Variants in TM7SF3 observed in about 807,000 individuals in gnomAD.
TM7SF3 encodes transmembrane 7 superfamily member 3, also known as seven span transmembrane protein.
In TM7SF3, 60 loss-of-function variants were observed where a neutral mutation model predicts 65.5. The ratio of observed to expected loss-of-function variants is 0.92; its 90% CI spans 0.74 to 1.14. TM7SF3 has a LOEUF of 1.14. Among genes scored for constraint, TM7SF3 ranks in the 50% most tolerant of loss-of-function variants. The pLI is 0.00. For missense variants in TM7SF3, 623 were observed against 684.8 expected, an observed-to-expected ratio of 0.91 and a Z score of 1.01; for synonymous variants, 264 against 259.6, an observed-to-expected ratio of 1.02 and a Z score of -0.16.
At chr12:26,976,499 A>G (rs754027426) in intron 9 of TM7SF3, 142 bp from the exon 10 acceptor site, 35 of 626,864 alleles carry the variant, frequency 5.6e-5, no homozygotes, top group Non-Finnish European at 8.7e-5. Context: ...ATGAATTCTA[A>G]TTTTCTTCAT....
intron 6 of TM7SF3, among the ~76,000 whole-genome samples, chr12:26,986,484 C>T (rs1185390449): frequency 6.6e-6 from 1 of 152,164 alleles, no homozygotes; most frequent in Non-Finnish European, 1.5e-5. Context: ...GGCCCAATCT[C>T]TCTTCCCCAC....
At chr12:26,991,213 C>T (rs1210954682) in intron 5 of TM7SF3, among the ~76,000 whole-genome samples, 3 of 138,272 alleles carry the variant, frequency 2.2e-5, no homozygotes, top group South Asian at 2.3e-4. Flanking sequence ...ACTGCAGTGG[C>T]GCAATCTCGG....
rs966107707 is a variant in TM7SF3, at chr12:26,997,003, T to C, written c.398-141A>G. On this transcript the variant is annotated intron_variant, in intron 3 of 11. Coordinates refer to ENST00000343028, the MANE Select transcript of TM7SF3 (RefSeq NM_016551.3). Reference sequence around the variant, plus strand: ...AAACGTAGAGCTTCTAGTCGTATACTATTTCATGAACTGAGGTTAAAGAGG... The same window carrying C: ...AAACGTAGAGCTTCTAGTCGTATACCATTTCATGAACTGAGGTTAAAGAGG... 4 of 985,564 alleles carry C rather than the reference T, an allele frequency of 4.1e-6. No individual in the cohort carries two copies. In the African/African-American group the frequency reaches 6.7e-5, roughly 17 times the overall value. The allele number at this position is 985,564 out of a possible 1,614,324, so 61.1% of individuals were successfully genotyped here.
intron 9 of TM7SF3, 48 bp downstream of exon 9, chr12:26,979,736 T>C (rs967513738): frequency 2.5e-6 from 4 of 1,602,054 alleles, no homozygotes; most frequent in African/African-American, 1.3e-5. Context: ...TTAGGCAGTA[T>C]TCAAACAGTC....
At chr12:26,989,689 C>G in intron 6 of TM7SF3, among the ~76,000 whole-genome samples, 1 of 145,558 alleles carries the variant, frequency 6.9e-6, no homozygotes, top group East Asian at 2.1e-4. Flanking sequence ...ACACACACAC[C>G]CCTCACAACA....
At chr12:27,001,472 G>A (rs559082151) in intron 2 of TM7SF3, among the ~76,000 whole-genome samples, 12 of 152,258 alleles carry the variant, frequency 7.9e-5, no homozygotes, top group Admixed American at 2.6e-4. Context: ...CCTAACTGGG[G>A]GCCTGAGAGT....
At chr12:27,012,867 G>T (rs1012630920) in intron 1 of TM7SF3, 3 of 372,406 alleles carry the variant, frequency 8.1e-6, no homozygotes, top group African/African-American at 2.1e-5. Flanking sequence ...GTGTGGTGGC[G>T]GGCGCCTGTA....
At chr12:26,983,159 G>C (rs1384904928) in intron 6 of TM7SF3, among the ~76,000 whole-genome samples, 2 of 147,642 alleles carry the variant, frequency 1.4e-5, no homozygotes, top group African/African-American at 5.0e-5. Flanking sequence ...GAAACAGAGA[G>C]AGAGTGTTCC....
intron 7 of TM7SF3, 58 bp downstream of exon 7, chr12:26,982,715 C>A: frequency 2.4e-6 from 3 of 1,241,008 alleles, no homozygotes; most frequent in Non-Finnish European, 2.3e-6. Context: ...ACAGGTCATT[C>A]CCCAGCAACA....
intron 9 of TM7SF3, among the ~76,000 whole-genome samples, chr12:26,977,384 A>G (rs576474386): frequency 9.8e-5 from 15 of 152,398 alleles, no homozygotes; most frequent in African/African-American, 3.6e-4. Context: ...CTTCCCACAT[A>G]AGGTGAAAAC....
chr12:26,991,184 C>T (rs1167255939), intron 5 of TM7SF3, among the ~76,000 whole-genome samples: 4 of 125,700 alleles, frequency 3.2e-5, no homozygotes, highest in South Asian at 2.5e-4. Context: ...CTCGCTCTGT[C>T]GCCCAGGCCG....
At chr12:26,975,772 G>T in intron 10 of TM7SF3, 114 bp from the exon 11 acceptor site, 1 of 1,143,760 alleles carries the variant, frequency 8.7e-7, no homozygotes, top group Non-Finnish European at 1.2e-6. Context: ...GCATGAAAAA[G>T]GACCAGACCC....
Position 26,999,596 on chromosome 12 carries a change from A to G in TM7SF3, c.327T>C (p.Thr109=). 6.2e-7 allele frequency: 1 copy of G among 1,614,128 alleles called. No homozygotes were observed. Among genetic ancestry groups the G allele is most frequent in the Non-Finnish European group, 8.5e-7 (1 of 1,179,968 alleles). ...FILRPEQSTC[T]WYLGTSGIQP... ...GTATGCCTGAAGTCCCCAAGTACCAAGTGCATGTACTCTGCTCTGGTCTAA... is the reference window on the plus strand; with the variant it reads ...GTATGCCTGAAGTCCCCAAGTACCAGGTGCATGTACTCTGCTCTGGTCTAA... The change falls in exon 3 of 12, where the codon ACT becomes ACC. Residue 109 remains threonine (T), a synonymous_variant. Transcript: ENST00000343028.
Position 26,996,745 on chromosome 12 carries a change from G to A in TM7SF3, c.515C>T (p.Ala172Val), listed in dbSNP as rs138864482. The part of the protein sequence containing the change: ...IKFAPANLGY[A>V]RGVDPPPCDA... ...CAGACATGGGAGACAGACGTACCTC[G>A]CATAGCCTAGGTTTGCTGGGGCAAA... Residue 172 changes from alanine (A) to valine (V), a missense_variant, in exon 4 of 12, where the codon GCG (alanine) becomes GTG (valine). Physicochemically the swap from Ala to Val is moderately conservative, Grantham distance 64. Transcript: ENST00000343028. The A allele has an allele frequency of 1.4e-4, 226 of 1,610,442 alleles. No homozygotes were observed. Among genetic ancestry groups the A allele is most frequent in the East Asian group, 2.0e-4 (9 of 44,734 alleles).
At chr12:26,989,037 A>G (rs1333621286) in intron 6 of TM7SF3, among the ~76,000 whole-genome samples, 1 of 152,248 alleles carries the variant, frequency 6.6e-6, no homozygotes, top group East Asian at 1.9e-4. Flanking sequence ...ACTATAGTCT[A>G]TGATAAATAT....
At chr12:27,009,046 C>T (rs1941147965) in intron 1 of TM7SF3, among the ~76,000 whole-genome samples, 1 of 152,216 alleles carries the variant, frequency 6.6e-6, no homozygotes, top group African/African-American at 2.4e-5. Flanking sequence ...CACCCTACTG[C>T]TTTGCAGTTC....
chr12:26,980,731 T>C, intron 7 of TM7SF3, 85 bp from the exon 8 acceptor site: 1 of 663,830 alleles, frequency 1.5e-6, no homozygotes, highest in Non-Finnish European at 2.6e-6. Flanking sequence ...AATTTAAATA[T>C]TTAATCTACA....
chr12:27,011,777 T>C (rs1313251453), intron 1 of TM7SF3, among the ~76,000 whole-genome samples: 7 of 152,290 alleles, frequency 4.6e-5, no homozygotes, highest in African/African-American at 1.7e-4. Context: ...CTGCACAGAA[T>C]GACAATACCA....
intron 1 of TM7SF3, 108 bp downstream of exon 1, chr12:27,013,969 GC>G: frequency 2.2e-6 from 2 of 913,988 alleles, no homozygotes; most frequent in Non-Finnish European, 1.8e-6. Flanking sequence ...GTGTACCAAC[GC>G]CCCCAGCACC....
Sources: allele counts gnomAD v4.1 joint callset (sites outside exome capture counted in the v4.1 genomes callset), GRCh38; gene constraint gnomAD v4.1.1; transcripts MANE v1.5; gene names NCBI Gene and HGNC (gene_info 2026-07-23, HGNC 2026-07-21).